The following AKR1C2 variants were observed in gnomAD, a reference collection of about 807,000 sequenced individuals.
AKR1C2 encodes the protein 3-alpha-HSD3.
AKR1C2 carries 27 observed loss-of-function variants against 39.8 expected under a neutral mutation model. That is an observed-to-expected ratio of 0.68 (90% confidence interval 0.50 to 0.93). AKR1C2 has a LOEUF of 0.93. Ranked by LOEUF, AKR1C2 falls within the 40% of genes least tolerant of loss-of-function variation. AKR1C2 has a pLI of 0.00. For synonymous variants in AKR1C2, 114 were observed against 137.9 expected, an observed-to-expected ratio of 0.83 and a Z score of 1.22; for missense variants, 263 against 365.1, an observed-to-expected ratio of 0.72 and a Z score of 2.28.
At chr10:5,001,812 C>A in intron 1 of AKR1C2, 131 bp from the exon 2 acceptor site, 1 of 1,227,984 alleles carries the variant, frequency 8.1e-7, no homozygotes, top group Non-Finnish European at 1.1e-6. Flanking sequence ...GAATCATAAG[C>A]CCATCCCAGT....
At chr10:5,005,898 A>G (rs1554774346), upstream of AKR1C2, 1 of 152,240 alleles carries the variant, frequency 6.6e-6, no homozygotes, top group African/African-American at 2.4e-5. Flanking sequence ...ACAATATAGT[A>G]TTAATACAGA....
intron 1 of AKR1C2, among the ~76,000 whole-genome samples, chr10:5,016,578 G>A (rs1188146428): frequency 2.6e-5 from 4 of 152,206 alleles, no homozygotes; most frequent in Admixed American, 1.3e-4. Flanking sequence ...AGGCCCCATG[G>A]CTGCTTTCAC....
intron 1 of AKR1C2, among the ~76,000 whole-genome samples, chr10:5,016,707 C>G (rs1837646847): frequency 6.6e-6 from 1 of 152,172 alleles, no homozygotes; most frequent in African/African-American, 2.4e-5. Flanking sequence ...AGGCAGTGCC[C>G]CAGTGGAAAT....
At chr10:4,994,464 G>A (rs1404590015) in intron 7 of AKR1C2, among the ~76,000 whole-genome samples, 3 of 152,118 alleles carry the variant, frequency 2.0e-5, no homozygotes, top group African/African-American at 7.2e-5. Context: ...GACCTGTCCT[G>A]TAACTTGCAT....
At chr10:5,015,612 G>T (rs1837621752) in intron 1 of AKR1C2, among the ~76,000 whole-genome samples, 1 of 152,104 alleles carries the variant, frequency 6.6e-6, no homozygotes, top group Non-Finnish European at 1.5e-5. Flanking sequence ...AGCAATTCCA[G>T]CCCTGGGTCC....
intron 3 of AKR1C2, chr10:5,000,213 A>G (rs1554773679): frequency 2.7e-5 from 38 of 1,429,868 alleles, no homozygotes; most frequent in Non-Finnish European, 3.3e-5. Flanking sequence ...CCACAGCTTC[A>G]TGAAACTCTG....
intron 8 of AKR1C2, 62 bp from the exon 9 acceptor site, chr10:4,990,100 G>C (rs768065986): frequency 3.7e-6 from 6 of 1,602,164 alleles, no homozygotes; most frequent in Non-Finnish European, 5.1e-6. Flanking sequence ...AGCCCGTAGC[G>C]CAGTGATTTC....
upstream of AKR1C2, among the ~76,000 whole-genome samples, chr10:5,004,271 C>G (rs1837353854): frequency 6.6e-6 from 1 of 152,224 alleles, no homozygotes; most frequent in African/African-American, 2.4e-5. Flanking sequence ...CTCTCTCACA[C>G]ACACAATTTA....
intron 1 of AKR1C2, among the ~76,000 whole-genome samples, chr10:5,016,762 TAGA>T (rs1837648454): frequency 6.6e-6 from 1 of 152,358 alleles, no homozygotes; most frequent in African/African-American, 2.4e-5. Context: ...CACACTGCCC[TAGA>T]AGAAGTTCTC....
Position 4,998,842 on chromosome 10 carries a change from G to T in AKR1C2, c.448-95C>A. 6 of 1,547,292 alleles carry T rather than the reference G, an allele frequency of 3.9e-6. No homozygotes were observed. In the South Asian group the frequency reaches 7.5e-5, roughly 19 times the overall value. On this transcript the variant is annotated intron_variant, in intron 4 of 8. Transcript: ENST00000380753. ...CTGTGAAAGCAACAACTGTCTAGAC[G>T]TGACAATCAAACTAGCTAGCCGTGG...
At chr10:4,992,436 A>G (rs1320986150) in intron 7 of AKR1C2, among the ~76,000 whole-genome samples, 1 of 152,208 alleles carries the variant, frequency 6.6e-6, no homozygotes, top group Non-Finnish European at 1.5e-5. Context: ...CTAAATATCA[A>G]AAAGATGTCA....
At position 4,989,273 on chromosome 10, in the gene AKR1C2, T is replaced by G. The variant is rs1748174148; in HGVS notation, c.*723A>C. The G allele has an allele frequency of 1.3e-5, 2 of 152,220 alleles. No individual in the cohort carries two copies. Among genetic ancestry groups the G allele is most frequent in the South Asian group, 2.1e-4 (1 of 4,834 alleles). The allele number at this position is 152,220 out of a possible 1,614,324, so 9.4% of individuals were successfully genotyped here. A position where few individuals can be genotyped will look rare whatever the true frequency, so the allele number is the denominator to read the frequency against. On this transcript the variant is annotated 3_prime_UTR_variant, in exon 9 of 9. Coordinates refer to ENST00000380753, the MANE Select transcript of AKR1C2 (RefSeq NM_001393392.1). Reference sequence around the variant, plus strand: ...AGGCCTGACTCTCAGCTGTGGGGTTTGTTAAAACAATGTGGAAAGTTTTCT... The same window carrying G: ...AGGCCTGACTCTCAGCTGTGGGGTTGGTTAAAACAATGTGGAAAGTTTTCT...
At chr10:5,005,414 G>C (rs1203663765), upstream of AKR1C2, among the ~76,000 whole-genome samples, 1 of 152,152 alleles carries the variant, frequency 6.6e-6, no homozygotes, top group Non-Finnish European at 1.5e-5. Flanking sequence ...CAGGCACGGT[G>C]GTTCACACCT....
At chr10:5,008,854 A>G (rs1395709652), upstream of AKR1C2, among the ~76,000 whole-genome samples, 1 of 152,240 alleles carries the variant, frequency 6.6e-6, no homozygotes, top group African/African-American at 2.4e-5. Flanking sequence ...AAACAAAATG[A>G]TGTTTGCCAG....
chr10:5,002,487 T>C (rs1475513944), intron 1 of AKR1C2, among the ~76,000 whole-genome samples: 1 of 152,218 alleles, frequency 6.6e-6, no homozygotes, highest in Non-Finnish European at 1.5e-5. Flanking sequence ...AGATGTATAC[T>C]CTAAGGATAT....
chr10:4,992,264 A>G (rs1296085780), intron 7 of AKR1C2, among the ~76,000 whole-genome samples: 1 of 152,046 alleles, frequency 6.6e-6, no homozygotes, highest in African/African-American at 2.4e-5. Flanking sequence ...TGTCTAGCAT[A>G]ATTTAGTAGG....
intron 7 of AKR1C2, among the ~76,000 whole-genome samples, chr10:4,994,855 T>A (rs1836975980): frequency 7.1e-6 from 1 of 139,918 alleles, no homozygotes; most frequent in Non-Finnish European, 1.6e-5. Flanking sequence ...AAATATGGTC[T>A]CCTACACATA....
chr10:4,996,949 C>T (rs1263133689), intron 5 of AKR1C2, among the ~76,000 whole-genome samples: 1 of 152,000 alleles, frequency 6.6e-6, no homozygotes, highest in Non-Finnish European at 1.5e-5. Context: ...GATGTATACT[C>T]AATCATATGT....
At chr10:5,011,490 T>A (rs1300759944) in intron 1 of AKR1C2, among the ~76,000 whole-genome samples, 1 of 152,188 alleles carries the variant, frequency 6.6e-6, no homozygotes, top group African/African-American at 2.4e-5. Flanking sequence ...ACAGATCTAA[T>A]GAATAAGAAT....
Sources: allele counts gnomAD v4.1 joint callset (sites outside exome capture counted in the v4.1 genomes callset), GRCh38; gene constraint gnomAD v4.1.1; transcripts MANE v1.5; gene names NCBI Gene and HGNC (gene_info 2026-07-23, HGNC 2026-07-21).